Variants in MUC6 observed in about 807,000 individuals in gnomAD.
MUC6 encodes mucin 6, oligomeric mucus/gel-forming (gene/pseudogene).
In MUC6, 188 loss-of-function variants were observed where a neutral mutation model predicts 201.5. The observed-to-expected ratio is 0.93, with a 90% confidence interval of 0.83 to 1.05. The LOEUF is 1.05. MUC6 is among the 50% of genes least tolerant of loss of function. MUC6 has a pLI of 0.00. For missense variants in MUC6, 2,706 were observed against 3,256.9 expected, an observed-to-expected ratio of 0.83 and a Z score of 4.12; for synonymous variants, 1,228 against 1,389.4, an observed-to-expected ratio of 0.88 and a Z score of 2.58.
intron 2 of MUC6, among the ~76,000 whole-genome samples, chr11:1,032,672 T>G (rs1857135320): frequency 6.6e-6 from 1 of 150,706 alleles, no homozygotes; most frequent in African/African-American, 2.4e-5. Flanking sequence ...GGGTGTTGGG[T>G]GTGTGTGCAT....
At chr11:1,035,969 C>T (rs540948809) in intron 1 of MUC6, among the ~76,000 whole-genome samples, 3 of 152,196 alleles carry the variant, frequency 2.0e-5, no homozygotes, top group South Asian at 2.1e-4. Flanking sequence ...CTGCAGCAGC[C>T]GCAGGGCAGG....
At position 1,016,348 on chromosome 11, in the gene MUC6, A is replaced by C. The variant is rs762334577; in HGVS notation, c.6453T>G (p.Ser2151=). The change falls in exon 31 of 33, where the codon TCT becomes TCG. Residue 2151 remains serine, a synonymous_variant. Transcript: ENST00000421673. ...VSSYVPSSHS[S]PQTSSPSVGT... is the part of the protein sequence containing the mutation. ...CAACAGAAGGCGATGAAGTCTGGGG[A>C]GAGGAGTGGGAGGAGGGCACATAAG... 1.2e-6 allele frequency: 2 copies of C among 1,611,230 alleles called. No homozygotes were observed. The highest frequency in any genetic ancestry group is 2.7e-5 in the African/African-American group (2 of 74,784).
chr11:1,026,606 G>T, intron 19 of MUC6, 128 bp from the exon 20 acceptor site: 1 of 1,181,548 alleles, frequency 8.5e-7, no homozygotes, highest in Non-Finnish European at 1.1e-6. Context: ...CTGCTCTGTG[G>T]CCTTTGTGGG....
At position 1,030,834 on chromosome 11, in the gene MUC6, G is replaced by T. The variant is rs532286645; in HGVS notation, c.685-54C>A. The T allele has an allele frequency of 1.9e-5, 29 of 1,529,338 alleles. 1 individual carries two copies. In the South Asian group the frequency reaches 3.5e-4, roughly 18 times the overall value. 94.7% of individuals were successfully genotyped at this position (1,529,338 alleles called of 1,614,324 possible). A position where few individuals can be genotyped will look rare whatever the true frequency, so the allele number is the denominator to read the frequency against. The stretch of plus-strand genomic sequence containing the variant: ...CAAAGGCCACACCCCATGCCACCAC[G>T]ACTGGGGAGGTCGGGCAGGGCGTCT... On this transcript the variant is annotated intron_variant, in intron 6 of 32. Coordinates refer to ENST00000421673, the MANE Select transcript of MUC6 (RefSeq NM_005961.3).
intron 26 of MUC6, among the ~76,000 whole-genome samples, chr11:1,022,875 G>C (rs895573395): frequency 1.4e-4 from 22 of 152,194 alleles, no homozygotes; most frequent in African/African-American, 5.1e-4. Context: ...GTGCATGGGT[G>C]AATGTGCGTG....
chr11:1,024,881 A>T lies in MUC6; in HGVS notation c.3188T>A (p.Val1063Asp). Residue 1063 changes from valine (V) to aspartate (D), a missense_variant, in exon 24 of 33, where the codon GTC becomes GAC. Around this residue, in one of 10 missense-constraint regions of MUC6, gnomAD observed 1,850 missense variants for 1,958.3 expected, o/e 0.94. Coordinates refer to ENST00000421673, the MANE Select transcript of MUC6 (RefSeq NM_005961.3). The stretch of plus-strand genomic sequence containing the variant: ...GGTGGCAAAGGTCTGGCTGTTGATG[A>T]CGCTGCACTTGCGCTCGGCCCAGGA... ...RRSWAERKCS[V>D]INSQTFATCH... is the part of the protein sequence containing the mutation. 3 of 1,612,498 alleles carry T rather than the reference A, an allele frequency of 1.9e-6. No individual in the cohort carries two copies. The highest frequency in any genetic ancestry group is 2.5e-6 in the Non-Finnish European group (3 of 1,179,740).
rs753676417 is a variant in MUC6 at position 1,033,092 on chromosome 11, C to A, written c.53-17G>T. 1 of 1,613,070 alleles carries A rather than the reference C, an allele frequency of 6.2e-7. No individual in the cohort carries two copies. The highest frequency in any genetic ancestry group is 8.5e-7 in the Non-Finnish European group (1 of 1,179,284). On this transcript the variant is annotated splice_polypyrimidine_tract_variant and intron_variant, in intron 1 of 32. Coordinates refer to ENST00000421673, the MANE Select transcript of MUC6 (RefSeq NM_005961.3). The surrounding 1 kb of genome is among the most constrained non-coding windows in gnomAD (Gnocchi z 5.6). ...TAGCCAGACCTGTGTGGACGGGACC[C>A]GCAGTCGGTGTGGGGCTACCCCGTC...
chr11:1,025,258 A>T lies in MUC6; in HGVS notation c.2909T>A (p.Ile970Asn). 1 of 1,612,786 alleles carries T rather than the reference A, an allele frequency of 6.2e-7. No homozygotes were observed. The highest frequency in any genetic ancestry group is 8.5e-7 in the Non-Finnish European group (1 of 1,179,852). The change falls in exon 23 of 33, where the codon ATC (isoleucine) becomes AAC (asparagine). Residue 970 changes from isoleucine to asparagine, a missense_variant. Transcript: ENST00000421673. ...GALSLVVDISIPGRYNLTLIW... is the reference protein window; with the variant it reads ...GALSLVVDISNPGRYNLTLIW... ...GAGCGTCAGGTTGTACCTCCCGGGGATGCTGATGTCCACGACAAGGCTCAG... is the reference window on the plus strand; with the variant it reads ...GAGCGTCAGGTTGTACCTCCCGGGGTTGCTGATGTCCACGACAAGGCTCAG...
In MUC6 at chr11:1,026,344, G is replaced by A. The variant is rs771608809; in HGVS notation, c.2529C>T (p.His843=). The part of the protein sequence containing the change: ...GVSYPGGAEL[H]TDCRTCSCSR... ...TGTCTCACCAGGTCCTGCAGTCAGT[G>A]TGGAGCTCAGCTCCTCCAGGGTAGG... is the stretch of plus-strand genomic sequence containing the variant. The change falls in exon 20 of 33, where the codon CAC becomes CAT. Residue 843 remains histidine (H), a synonymous_variant. Coordinates refer to ENST00000421673, the MANE Select transcript of MUC6 (RefSeq NM_005961.3). 2.5e-6 allele frequency: 4 copies of A among 1,592,462 alleles called. No homozygotes were observed. Among genetic ancestry groups the A allele is most frequent in the East Asian group, 2.2e-5 (1 of 44,634 alleles).
chr11:1,030,575 C>T lies in MUC6; in HGVS notation c.890G>A (p.Cys297Tyr), dbSNP rs1277939049. ...PVRRWRSPGLCSVGQCPANQV... is the reference protein window; with the variant it reads ...PVRRWRSPGLYSVGQCPANQV... Reference sequence around the variant, plus strand: ...CCCTCTCCCTTCCCTGGACTCACAGCACAGGCCGGGGCTCCGCCAGCGGCG... The same window carrying T: ...CCCTCTCCCTTCCCTGGACTCACAGTACAGGCCGGGGCTCCGCCAGCGGCG... Residue 297 changes from cysteine to tyrosine, a missense_variant and splice_region_variant, in exon 7 of 33, where the codon TGC (cysteine) becomes TAC (tyrosine). Cys to Tyr is a radical substitution (Grantham distance 194). This residue lies in a region of MUC6 where 1,850 missense variants were observed against 1,958.3 expected (regional missense o/e 0.94). Coordinates refer to ENST00000421673, the MANE Select transcript of MUC6 (RefSeq NM_005961.3). 6.6e-7 allele frequency: 1 copy of T among 1,504,702 alleles called. No homozygotes were observed. Among genetic ancestry groups the T allele is most frequent in the South Asian group, 1.3e-5 (1 of 77,076 alleles). 93.2% of individuals were successfully genotyped at this position (1,504,702 alleles called of 1,614,324 possible).
At position 1,033,526 on chromosome 11, in the gene MUC6, T is replaced by C. The variant is rs370452557; in HGVS notation, c.53-451A>G. On this transcript the variant is annotated intron_variant, in intron 1 of 32. Coordinates refer to ENST00000421673, the MANE Select transcript of MUC6 (RefSeq NM_005961.3). This position sits in a 1 kb window ranked among gnomAD's most constrained non-coding sequence, Gnocchi z 5.6. Reference sequence around the variant, plus strand: ...GTCTGCGCCAAGGCCCCACAGCCGGTTCTCCCTGCTCTCGGTGGCTCCGGG... The same window carrying C: ...GTCTGCGCCAAGGCCCCACAGCCGGCTCTCCCTGCTCTCGGTGGCTCCGGG... Among the ~76,000 whole-genome samples the C allele has an allele frequency of 5.6e-4, 85 of 151,506 alleles. 1 individual carries two copies. The highest frequency in any genetic ancestry group is 2.0e-3 in the African/African-American group (82 of 41,344).
chr11:1,013,712 C>A, intron 32 of MUC6, 79 bp from the exon 33 acceptor site: 2 of 1,476,066 alleles, frequency 1.4e-6, no homozygotes, highest in Non-Finnish European at 1.8e-6. Context: ...GCAGCTGCTC[C>A]GCAGAGGCCT....
rs901396421 is a variant in MUC6 at position 1,030,937 on chromosome 11, C to T, written c.684+10G>A. 9.6e-6 allele frequency: 15 copies of T among 1,560,934 alleles called. No individual in the cohort carries two copies. Among genetic ancestry groups the T allele is most frequent in the Middle Eastern group, 1.8e-4 (1 of 5,656 alleles). On this transcript the variant is annotated intron_variant, in intron 6 of 32. Coordinates refer to ENST00000421673, the MANE Select transcript of MUC6 (RefSeq NM_005961.3). ...CTGGGGTCAGCCCCACCTGGAGCCC[C>T]CTTGCTTACGTGCTGGGCCTGCCGG... is the stretch of plus-strand genomic sequence containing the variant.
rs757009844 is a variant in MUC6 at position 1,016,110 on chromosome 11, C to T, written c.6691G>A (p.Val2231Ile). 1 of 1,612,982 alleles carries T rather than the reference C, an allele frequency of 6.2e-7. No homozygotes were observed. The highest frequency in any genetic ancestry group is 1.3e-5 in the African/African-American group (1 of 74,738). ...CTGGATGGGGTGGGAGACACGGTAACAGTGGATATGGGGAGTAGAGCAGAG... is the reference window on the plus strand; with the variant it reads ...CTGGATGGGGTGGGAGACACGGTAATAGTGGATATGGGGAGTAGAGCAGAG... Reference protein sequence around the residue: ...TLSALLPISTVTVSPTPSSHL... With the variant: ...TLSALLPISTITVSPTPSSHL... Residue 2231 changes from valine to isoleucine, a missense_variant, in exon 31 of 33, where the codon GTT becomes ATT. Around this residue, in one of 10 missense-constraint regions of MUC6, gnomAD observed 586 missense variants for 488.0 expected, o/e 1.20. Transcript: ENST00000421673.
At chr11:1,035,815 A>G (rs1248018521) in intron 1 of MUC6, among the ~76,000 whole-genome samples, 1 of 151,988 alleles carries the variant, frequency 6.6e-6, no homozygotes, top group Non-Finnish European at 1.5e-5. Context: ...CAGCTTGGAG[A>G]GGAAGGAGGA....
chr11:1,029,672 C>T, intron 8 of MUC6, 57 bp from the exon 9 acceptor site: 4 of 1,511,818 alleles, frequency 2.6e-6, no homozygotes, highest in Non-Finnish European at 3.5e-6. Flanking sequence ...CCACTCTCCC[C>T]TCCCTGGCTC....
At position 1,027,754 on chromosome 11, in the gene MUC6, C is replaced by A; in HGVS notation, c.1912G>T (p.Asp638Tyr). The change falls in exon 16 of 33, where the codon GAC becomes TAC. Residue 638 changes from aspartate to tyrosine, a missense_variant. Asp to Tyr is a radical substitution (Grantham distance 160). Transcript: ENST00000421673. ...CGCAAGGAGCAGGCGTGTACGTAGT[C>A]GCCCAGGGCGGCACAGATGTGGGGA... ...TFPHICAALG[D>Y]YVHACSLRGV... The A allele has an allele frequency of 6.2e-7, 1 of 1,610,082 alleles. No homozygotes were observed.
In MUC6 at chr11:1,018,560, CTCCCCGCCG is replaced by C. The variant is rs1856735559; in HGVS notation, c.4232_4240del (p.Thr1411_Gly1413del). On this transcript the variant is annotated inframe_deletion, in exon 31 of 33. Coordinates refer to ENST00000421673, the MANE Select transcript of MUC6 (RefSeq NM_005961.3). ...GACAGGACCTGTGGAAGGGACGGGA[CTCCCCGCCG>C]TAGGCGGGGAGTGTGTGGTGTGTGG... 1 of 1,598,338 alleles carries C rather than the reference CTCCCCGCCG, an allele frequency of 6.3e-7. No homozygotes were observed. The highest frequency in any genetic ancestry group is 1.4e-5 in the African/African-American group (1 of 73,586).
rs747078997 is a variant in MUC6, at chr11:1,027,011, T to A, written c.2324A>T (p.Gln775Leu). The part of the protein sequence containing the change: ...QAPKTFKSCS[Q>L]SSENKFGAAC... ...TGCCCCAAACTTGTTCTCGGAGGAC[T>A]GGCTGCAGGACTTGAAGGTCTTAGG... is the stretch of plus-strand genomic sequence containing the variant. The change falls in exon 19 of 33, where the codon CAG becomes CTG. Residue 775 changes from glutamine (Q) to leucine (L), a missense_variant. Transcript: ENST00000421673. 2 of 1,602,790 alleles carry A rather than the reference T, an allele frequency of 1.2e-6. No individual in the cohort carries two copies. Among genetic ancestry groups the A allele is most frequent in the South Asian group, 2.2e-5 (2 of 89,410 alleles).
Sources: allele counts gnomAD v4.1 joint callset (sites outside exome capture counted in the v4.1 genomes callset), GRCh38; gene constraint gnomAD v4.1.1; regional missense constraint gnomAD v4.1.1; non-coding constraint Gnocchi (gnomAD v3.1); transcripts MANE v1.5; gene names NCBI Gene and HGNC (gene_info 2026-07-23, HGNC 2026-07-21).